Variants in PPFIA4 observed in about 807,000 individuals in gnomAD.
PPFIA4 encodes liprin-alpha-4.
A neutral mutation model predicts 145.7 loss-of-function variants in PPFIA4; 98 were observed. The observed-to-expected ratio is 0.67, with a 90% CI of 0.57 to 0.80. PPFIA4 has a LOEUF of 0.80. Ranked by LOEUF, PPFIA4 falls within the 30% of genes least tolerant of loss-of-function variation. PPFIA4 has a pLI of 0.00. For missense variants in PPFIA4, 1,457 were observed against 1,632.7 expected (o/e 0.89, Z 1.85); for synonymous variants, 628 against 649.6 (o/e 0.97, Z 0.51).
Position 203,048,886 on chromosome 1 carries a change from C to G in PPFIA4, c.1357-32C>G. The stretch of plus-strand genomic sequence containing the variant: ...TCAGGTCTGGAATGGGAGAGGAAGG[C>G]AGGGGCCTGGCTCACAGCTGCTCTC... On this transcript the variant is annotated intron_variant, in intron 11 of 29. Transcript: ENST00000295706. The surrounding 1 kb of genome is among the most constrained non-coding windows in gnomAD (Gnocchi z 5.8). The G allele has an allele frequency of 1.3e-6, 2 of 1,546,232 alleles. No individual in the cohort carries two copies. Among genetic ancestry groups the G allele is most frequent in the Non-Finnish European group, 1.7e-6 (2 of 1,145,422 alleles).
At chr1:203,054,657 C>G (rs1441716629) in intron 15 of PPFIA4, among the ~76,000 whole-genome samples, 2 of 148,712 alleles carry the variant, frequency 1.3e-5, no homozygotes, top group Non-Finnish European at 3.0e-5. Flanking sequence ...ATTGCACAGA[C>G]CAGTTACAAA....
At chr1:203,051,128 G>A in intron 13 of PPFIA4, 2 of 985,338 alleles carry the variant, frequency 2.0e-6, no homozygotes, top group Non-Finnish European at 2.4e-6. Context: ...TATTCCAGGG[G>A]ATTGTTGCTT....
chr1:203,070,074 C>T (rs575838733), intron 27 of PPFIA4, among the ~76,000 whole-genome samples: 15 of 152,022 alleles, frequency 9.9e-5, no homozygotes, highest in Non-Finnish European at 1.9e-4. Context: ...TGGAACTCTA[C>T]GCTTAATATT....
In PPFIA4 at chr1:203,045,983, G is replaced by A. The variant is rs749077187; in HGVS notation, c.1001G>A (p.Arg334His). The A allele has an allele frequency of 1.4e-5, 22 of 1,612,446 alleles. No homozygotes were observed. The highest frequency in any genetic ancestry group is 4.4e-5 in the South Asian group (4 of 91,074). The change falls in exon 8 of 30, where the codon CGC becomes CAC. Residue 334 changes from arginine (R) to histidine (H), a missense_variant. Around this residue, in one of 3 missense-constraint regions of PPFIA4, gnomAD observed 463 missense variants for 459.8 expected, o/e 1.01. Coordinates refer to ENST00000295706, the MANE Select transcript of PPFIA4 (RefSeq NM_001304331.2). ...NELANKESLH[R>H]QCEEKARHLQ... ...CTGGCCAACAAGGAGTCCCTGCACC[G>A]CCAGGTACCTCCTCAGGGTGGGGTG...
chr1:203,060,288 C>A lies in PPFIA4; in HGVS notation c.2655C>A (p.Ser885=). ...ACGTCAAGAGTGGTGCCATCATGTC[C>A]GCTCTGTCGGACACAGAGATCCAGC... ...RANVKSGAIM[S]ALSDTEIQRE... The change falls in exon 22 of 30, where the codon TCC becomes TCA. Residue 885 remains serine, a synonymous_variant. Coordinates refer to ENST00000295706, the MANE Select transcript of PPFIA4 (RefSeq NM_001304331.2). This position sits in a 1 kb window ranked among gnomAD's most constrained non-coding sequence, Gnocchi z 4.8. The A allele has an allele frequency of 6.2e-7, 1 of 1,614,110 alleles. No individual in the cohort carries two copies. Among genetic ancestry groups the A allele is most frequent in the Non-Finnish European group, 8.5e-7 (1 of 1,179,972 alleles).
chr1:203,035,379 T>C (rs1659164438), intron 1 of PPFIA4: 1 of 450,944 alleles, frequency 2.2e-6, no homozygotes. Flanking sequence ...CAGACCCAAA[T>C]GCCCATCCCT....
At position 203,056,855 on chromosome 1, in the gene PPFIA4, A is replaced by G. The variant is rs574694198; in HGVS notation, c.2312A>G (p.Lys771Arg). Reference protein sequence around the residue: ...SSQDSLHKGAKRKGIKSSIGR... With the variant: ...SSQDSLHKGARRKGIKSSIGR... ...CAGGACTCCCTGCACAAGGGCGCCA[A>G]GCGCAAGGGCATCAAGTCGTCCATT... Residue 771 changes from lysine to arginine, a missense_variant, in exon 19 of 30, where the codon AAG becomes AGG. By Grantham distance (26) the Lys-to-Arg change is conservative. Coordinates refer to ENST00000295706, the MANE Select transcript of PPFIA4 (RefSeq NM_001304331.2). 6.2e-6 allele frequency: 10 copies of G among 1,614,120 alleles called. No individual in the cohort carries two copies. In the Admixed American group the frequency reaches 6.7e-5, roughly 11 times the overall value.
chr1:203,051,720 G>C, intron 13 of PPFIA4, 49 bp from the exon 14 acceptor site: 2 of 1,564,208 alleles, frequency 1.3e-6, no homozygotes, highest in African/African-American at 1.4e-5. Flanking sequence ...GTGAGCTGGG[G>C]GTCTCAGTCC....
rs1483459670 is a variant in PPFIA4, at chr1:203,075,274, G to T, written c.3394-303G>T. Among the ~76,000 whole-genome samples the T allele has an allele frequency of 6.6e-6, 1 of 152,088 alleles. No homozygotes were observed. The highest frequency in any genetic ancestry group is 2.4e-5 in the African/African-American group (1 of 41,410). On this transcript the variant is annotated intron_variant, in intron 28 of 29. Coordinates refer to ENST00000295706, the MANE Select transcript of PPFIA4 (RefSeq NM_001304331.2). This position sits in a 1 kb window ranked among gnomAD's most constrained non-coding sequence, Gnocchi z 4.1. ...GGTCATGCCAAGCCTACTTTGAGAA[G>T]ATTGCGGTGGGCTGGGAAACAGTTC...
rs370978662 is a variant in PPFIA4, at chr1:203,056,490, G to T, written c.2222G>T (p.Ser741Ile). ...RLEKLGHPAL[S>I]QEEGKSALED... The stretch of plus-strand genomic sequence containing the variant: ...GAGAAGCTTGGCCACCCAGCCCTGA[G>T]CCAGGAAGAAGGCAAGAGGTAAGTA... Residue 741 changes from serine (S) to isoleucine (I), a missense_variant, in exon 18 of 30, where the codon AGC (serine) becomes ATC (isoleucine). Coordinates refer to ENST00000295706, the MANE Select transcript of PPFIA4 (RefSeq NM_001304331.2). The T allele has an allele frequency of 6.2e-7, 1 of 1,613,686 alleles. No homozygotes were observed. The highest frequency in any genetic ancestry group is 8.5e-7 in the Non-Finnish European group (1 of 1,179,812).
chr1:203,037,179 C>T (rs1000945931), intron 1 of PPFIA4: 2 of 380,154 alleles, frequency 5.3e-6, no homozygotes, highest in Middle Eastern at 3.6e-4. Flanking sequence ...CCTAGAGCAT[C>T]AGTACTCTGG....
At chr1:203,061,549 T>C in intron 23 of PPFIA4, 103 bp from the exon 24 acceptor site, 4 of 1,200,016 alleles carry the variant, frequency 3.3e-6, no homozygotes, top group East Asian at 2.7e-5. Context: ...CCCAGCCAGA[T>C]ACTGGGATGT....
At chr1:203,054,077 A>G (rs1462438961) in intron 15 of PPFIA4, 116 bp downstream of exon 15, 2 of 1,194,706 alleles carry the variant, frequency 1.7e-6, no homozygotes, top group Non-Finnish European at 2.4e-6. Context: ...AGAGTACCAC[A>G]GTTCAGGGAC....
In PPFIA4 at chr1:203,055,348, G is replaced by C; in HGVS notation, c.1830-84G>C. 1.9e-6 allele frequency: 3 copies of C among 1,567,178 alleles called. No individual in the cohort carries two copies. The highest frequency in any genetic ancestry group is 1.7e-6 in the Non-Finnish European group (2 of 1,143,236). ...GTGTACACCGCATGTGGTCCTTGGT[G>C]GCGAGTGCAGGCATCGACCCGCACT... On this transcript the variant is annotated intron_variant, in intron 15 of 29. Transcript: ENST00000295706. This position sits in a 1 kb window ranked among gnomAD's most constrained non-coding sequence, Gnocchi z 4.8.
At position 203,061,684 on chromosome 1, in the gene PPFIA4, A is replaced by C; in HGVS notation, c.2874+6A>C. 1 of 1,563,620 alleles carries C rather than the reference A, an allele frequency of 6.4e-7. No individual in the cohort carries two copies. Among genetic ancestry groups the C allele is most frequent in the Non-Finnish European group, 8.7e-7 (1 of 1,153,990 alleles). Reference sequence around the variant, plus strand: ...AGGAGGGCAGCTGGGCTCAGGTAAGACTCCCTACCCTGTCTAGAACCAGCT... The same window carrying C: ...AGGAGGGCAGCTGGGCTCAGGTAAGCCTCCCTACCCTGTCTAGAACCAGCT... On this transcript the variant is annotated splice_donor_region_variant and intron_variant, in intron 24 of 29. Transcript: ENST00000295706.
intron 1 of PPFIA4, chr1:203,037,236 G>C (rs983699242): frequency 3.0e-6 from 1 of 329,598 alleles, no homozygotes; most frequent in Non-Finnish European, 6.4e-6. Context: ...TCTTTTCCCT[G>C]CTGGGTTCAG....
chr1:203,035,599 T>G, intron 1 of PPFIA4: 1 of 456,832 alleles, frequency 2.2e-6, no homozygotes, highest in Non-Finnish European at 4.4e-6. Flanking sequence ...TTGCAAATGC[T>G]TGCTTTGGGG....
rs1395674051 is a variant in PPFIA4 at position 203,077,465 on chromosome 1, C to T, written c.*1075C>T. 1.3e-5 allele frequency: 2 copies of T among 152,198 alleles called. No individual in the cohort carries two copies. The highest frequency in any genetic ancestry group is 4.8e-5 in the African/African-American group (2 of 41,438). 9.4% of individuals were successfully genotyped at this position (152,198 alleles called of 1,614,324 possible). A position where few individuals can be genotyped will look rare whatever the true frequency, so the allele number is the denominator to read the frequency against. On this transcript the variant is annotated 3_prime_UTR_variant, in exon 30 of 30. Transcript: ENST00000295706. ...AAGTCAAGTTTGGGGAAAAGGCAGA[C>T]TAAGGCCTCCTTTCTCTGACCTCCC... is the stretch of plus-strand genomic sequence containing the variant.
At chr1:203,035,138 A>G (rs1571660214) in intron 1 of PPFIA4, 1 of 360,032 alleles carries the variant, frequency 2.8e-6, no homozygotes, top group African/African-American at 2.1e-5. Context: ...TCCTCCTCTC[A>G]CCTCCAGCTG....
Sources: gnomAD v4.1 joint callset for allele counts (sites outside exome capture counted in the v4.1 genomes callset) on GRCh38, gnomAD v4.1.1 for gene constraint, gnomAD v4.1.1 regional missense constraint, Gnocchi (gnomAD v3.1) non-coding constraint, MANE v1.5 for transcripts, NCBI Gene and HGNC (gene_info 2026-07-23, HGNC 2026-07-21) for gene names.